Variants in SLC4A1 observed in about 807,000 individuals in gnomAD.
SLC4A1 encodes solute carrier family 4 member 1 (Diego blood group).
A neutral mutation model predicts 93.1 loss-of-function variants in SLC4A1; 29 were observed. The observed-to-expected ratio is 0.31, with a 90% CI of 0.23 to 0.42. The LOEUF (loss-of-function observed/expected upper bound fraction) is 0.42, where lower values mean the gene tolerates loss of function less well. Ranked by LOEUF, SLC4A1 falls within the 20% of genes least tolerant of loss-of-function variation. The pLI is 1.00. For synonymous variants in SLC4A1, 469 were observed against 497.2 expected, an observed-to-expected ratio of 0.94 and a Z score of 0.76; for missense variants, 965 against 1,190.1, an observed-to-expected ratio of 0.81 and a Z score of 2.78.
chr17:44,261,426 A>C (rs1216683766), intron 4 of SLC4A1, 149 bp downstream of exon 4: 3 of 1,356,876 alleles, frequency 2.2e-6, no homozygotes, highest in Non-Finnish European at 3.1e-6. Flanking sequence ...CGTCCCTCCC[A>C]CCTGTTTCCT....
At chr17:44,253,902 C>G (rs1274177469) in intron 16 of SLC4A1, among the ~76,000 whole-genome samples, 1 of 151,234 alleles carries the variant, frequency 6.6e-6, no homozygotes, top group Non-Finnish European at 1.5e-5. Flanking sequence ...AAACTACTGA[C>G]CTCGTGATCC....
At chr17:44,256,471 C>A (rs765457207) in intron 13 of SLC4A1, among the ~76,000 whole-genome samples, 1 of 152,210 alleles carries the variant, frequency 6.6e-6, no homozygotes, top group African/African-American at 2.4e-5. Flanking sequence ...AATCAGGGGA[C>A]AACACATAGG....
At chr17:44,259,379 G>C in intron 8 of SLC4A1, 35 bp from the exon 9 acceptor site, 1 of 1,612,392 alleles carries the variant, frequency 6.2e-7, no homozygotes, top group Non-Finnish European at 8.5e-7. Context: ...CCAGGCCGAG[G>C]AGCCCAGGGT....
At chr17:44,265,382 G>T (rs1399479002) in intron 1 of SLC4A1, among the ~76,000 whole-genome samples, 2 of 152,004 alleles carry the variant, frequency 1.3e-5, no homozygotes, top group Non-Finnish European at 2.9e-5. Flanking sequence ...AGTTTTTCTT[G>T]TTTTTGAGAC....
intron 1 of SLC4A1, among the ~76,000 whole-genome samples, chr17:44,265,569 C>T (rs997509216): frequency 2.6e-5 from 4 of 152,024 alleles, no homozygotes; most frequent in Non-Finnish European, 5.9e-5. Flanking sequence ...GACGGGGTTT[C>T]ACTGTGTTAG....
intron 15 of SLC4A1, 52 bp from the exon 16 acceptor site, chr17:44,254,714 G>A: frequency 6.3e-7 from 1 of 1,579,218 alleles, no homozygotes. Context: ...GATGGGGAAG[G>A]GTGGGAGCAG....
intron 17 of SLC4A1, 122 bp downstream of exon 17, chr17:44,252,996 G>A: frequency 9.6e-7 from 1 of 1,042,526 alleles, no homozygotes; most frequent in African/African-American, 1.6e-5. Flanking sequence ...GGGAGATGTG[G>A]GGAAGTGGTG....
At chr17:44,263,444 A>AC (rs1314575573) in intron 1 of SLC4A1, among the ~76,000 whole-genome samples, 1 of 151,674 alleles carries the variant, frequency 6.6e-6, no homozygotes, top group African/African-American at 2.4e-5. Flanking sequence ...TCTCTCCCTG[A>AC]CCCCATCTTG....
chr17:44,251,496 C>A lies in SLC4A1; in HGVS notation c.2404G>T (p.Gly802Cys). Residue 802 changes from glycine (G) to cysteine (C), a missense_variant, in exon 18 of 20, where the codon GGC becomes TGC. Physicochemically the swap from Gly to Cys is radical, Grantham distance 159. Around this residue, in one of 2 missense-constraint regions of SLC4A1, gnomAD observed 770 missense variants for 1,006.6 expected, o/e 0.76. Coordinates refer to ENST00000262418, the MANE Select transcript of SLC4A1 (RefSeq NM_000342.4). Reference sequence around the variant, plus strand: ...AAGATGCGGTCAAAGAGCTGGATGCCGCTGAGCGACGTGACCCCCATGTAG... The same window carrying A: ...AAGATGCGGTCAAAGAGCTGGATGCAGCTGAGCGACGTGACCCCCATGTAG... ...FLYMGVTSLSGIQLFDRILLL... is the reference protein window; with the variant it reads ...FLYMGVTSLSCIQLFDRILLL... 3 of 1,614,124 alleles carry A rather than the reference C, an allele frequency of 1.9e-6. No individual in the cohort carries two copies. Among genetic ancestry groups the A allele is most frequent in the East Asian group, 4.5e-5 (2 of 44,874 alleles).
rs1026482117 is a variant in SLC4A1, at chr17:44,248,394, A to G, written c.*2064T>C. 4 of 152,624 alleles carry G rather than the reference A, an allele frequency of 2.6e-5. No individual in the cohort carries two copies. Among genetic ancestry groups the G allele is most frequent in the African/African-American group, 9.6e-5 (4 of 41,468 alleles). 9.5% of individuals were successfully genotyped at this position (152,624 alleles called of 1,614,324 possible). On this transcript the variant is annotated 3_prime_UTR_variant, in exon 20 of 20. Transcript: ENST00000262418. ...GAATTCAGGCAAGGCAGCCACTCCA[A>G]CACAGATACGTTTATTGGCAAAACC...
chr17:44,264,917 T>C lies in SLC4A1; in HGVS notation c.-68-1983A>G, dbSNP rs1031241725. On this transcript the variant is annotated intron_variant, in intron 1 of 19. Coordinates refer to ENST00000262418, the MANE Select transcript of SLC4A1 (RefSeq NM_000342.4). ...ACAGGGCATTGAGGTGACAGGCAAT[T>C]GGGTCGGTTCAACAAAGGTTCCCAC... is the stretch of plus-strand genomic sequence containing the variant. Among the ~76,000 whole-genome samples, 4 of 148,136 alleles carry C rather than the reference T, an allele frequency of 2.7e-5. No homozygotes were observed. In the Admixed American group the frequency reaches 2.7e-4, roughly 10 times the overall value.
rs1315650009 is a variant in SLC4A1 at position 44,251,284 on chromosome 17, G to GGCA, written c.2527_2529dup (p.Cys843dup). ...GACTTCACCACCCACAGCACTGCCA[G>GGCA]GCAGATGATCTGGATGCCCGTGAAT... On this transcript the variant is annotated inframe_insertion, in exon 19 of 20. Transcript: ENST00000262418. The GGCA allele has an allele frequency of 6.2e-7, 1 of 1,614,234 alleles. No individual in the cohort carries two copies. Among genetic ancestry groups the GGCA allele is most frequent in the Admixed American group, 1.7e-5 (1 of 60,028 alleles).
At chr17:44,260,358 G>A (rs1328872209) in intron 6 of SLC4A1, 46 bp downstream of exon 6, 3 of 1,591,928 alleles carry the variant, frequency 1.9e-6, no homozygotes, top group Non-Finnish European at 2.6e-6. Flanking sequence ...GGCTGGGGAA[G>A]TGGGCCCACT....
At position 44,257,970 on chromosome 17, in the gene SLC4A1, A is replaced by G. The variant is rs777064852; in HGVS notation, c.1282+16T>C. ...GGTCAGAGGCAAGAGTTAGGGAGAC[A>G]GGTATTGGCACTGACCCAGGAGGCC... On this transcript the variant is annotated intron_variant, in intron 11 of 19. Coordinates refer to ENST00000262418, the MANE Select transcript of SLC4A1 (RefSeq NM_000342.4). 5 of 1,613,940 alleles carry G rather than the reference A, an allele frequency of 3.1e-6. No homozygotes were observed. The highest frequency in any genetic ancestry group is 1.7e-5 in the Admixed American group (1 of 60,026).
At chr17:44,262,097 T>TTGGC in intron 3 of SLC4A1, 1 of 1,042,604 alleles carries the variant, frequency 9.6e-7, no homozygotes, top group Non-Finnish European at 1.2e-6. Flanking sequence ...CCCCTTATAT[T>TTGGC]CCCACCCCTC....
At chr17:44,262,448 C>T (rs1046075155) in intron 3 of SLC4A1, among the ~76,000 whole-genome samples, 188 bp downstream of exon 3, 4 of 152,254 alleles carry the variant, frequency 2.6e-5, no homozygotes, top group African/African-American at 4.8e-5. Flanking sequence ...TGCCCCTGCT[C>T]TCCCAGCCAC....
In SLC4A1 at chr17:44,251,121, TC is replaced by T. The variant is rs754503717; in HGVS notation, c.2655+37del. 18 of 1,563,274 alleles carry T rather than the reference TC, an allele frequency of 1.2e-5. No individual in the cohort carries two copies. The South Asian group carries it at 2.1e-4, about 18-fold the overall frequency. ...GTTCTGAGACGCGCCCCTCGCATGC[TC>T]CCAGCTCTTGTGCCCCAGGCCCAGG... On this transcript the variant is annotated intron_variant, in intron 19 of 19. Transcript: ENST00000262418.
Position 44,258,315 on chromosome 17 carries a change from G to T in SLC4A1, c.1087+98C>A. 7.0e-7 allele frequency: 1 copy of T among 1,418,978 alleles called. No individual in the cohort carries two copies. The allele number at this position is 1,418,978 out of a possible 1,614,324, so 87.9% of individuals were successfully genotyped here. On this transcript the variant is annotated intron_variant, in intron 10 of 19. Transcript: ENST00000262418. The surrounding 1 kb of genome is among the most constrained non-coding windows in gnomAD (Gnocchi z 6.1). Reference sequence around the variant, plus strand: ...AGTCTGGAAGATGTGGGCAAAGGGAGCGATGAGAGGGGAACATGTGATGGG... The same window carrying T: ...AGTCTGGAAGATGTGGGCAAAGGGATCGATGAGAGGGGAACATGTGATGGG...
At chr17:44,252,998 G>T in intron 17 of SLC4A1, 120 bp downstream of exon 17, 1 of 1,056,530 alleles carries the variant, frequency 9.5e-7, no homozygotes, top group Non-Finnish European at 1.4e-6. Flanking sequence ...GAGATGTGGG[G>T]AAGTGGTGCA....
Sources: gnomAD v4.1 joint callset for allele counts (sites outside exome capture counted in the v4.1 genomes callset) on GRCh38, gnomAD v4.1.1 for gene constraint, gnomAD v4.1.1 regional missense constraint, Gnocchi (gnomAD v3.1) non-coding constraint, MANE v1.5 for transcripts, NCBI Gene and HGNC (gene_info 2026-07-23, HGNC 2026-07-21) for gene names.